SNTG1: variants seen among roughly 807,000 people sequenced by gnomAD.
SNTG1 encodes gamma-1-syntrophin.
Under a neutral mutation model 74.7 loss-of-function variants are expected in SNTG1, and 39 were observed. The ratio of observed to expected loss-of-function variants is 0.52; its 90% confidence interval spans 0.40 to 0.68. The LOEUF (loss-of-function observed/expected upper bound fraction) is 0.68. SNTG1 is among the 30% of genes least tolerant of loss of function. SNTG1 has a pLI of 0.00. For synonymous variants in SNTG1, 254 were observed against 217.1 expected (o/e 1.17, Z -1.49); for missense variants, 685 against 609.5 (o/e 1.12, Z -1.30).
At chr8:50,541,214 C>G (rs2094344149) in intron 11 of SNTG1, among the ~76,000 whole-genome samples, 2 of 150,382 alleles carry the variant, frequency 1.3e-5, no homozygotes, top group Non-Finnish European at 2.9e-5. Context: ...AGGGAATGGA[C>G]TTGACAAAAT....
intron 17 of SNTG1, among the ~76,000 whole-genome samples, chr8:50,711,540 A>G (rs2095461682): frequency 6.6e-6 from 1 of 152,194 alleles, no homozygotes; most frequent in Admixed American, 6.5e-5. Flanking sequence ...GAAGGAAAGA[A>G]TTGCTGCATC....
chr8:50,321,907 G>T (rs989084041), intron 2 of SNTG1, among the ~76,000 whole-genome samples: 4 of 152,092 alleles, frequency 2.6e-5, no homozygotes, highest in Non-Finnish European at 4.4e-5. Context: ...TCTTAAAAAT[G>T]TGTTGTAGTT....
chr8:50,503,133 A>G (rs1321807329), intron 9 of SNTG1, among the ~76,000 whole-genome samples: 3 of 152,204 alleles, frequency 2.0e-5, no homozygotes, highest in Admixed American at 6.5e-5. Context: ...AAAAATAGGC[A>G]TATCAAATAT....
At chr8:49,977,935 T>G (rs1418496939) in intron 1 of SNTG1, among the ~76,000 whole-genome samples, 1 of 152,208 alleles carries the variant, frequency 6.6e-6, no homozygotes, top group African/African-American at 2.4e-5. Flanking sequence ...ACTAGATTTG[T>G]GACCAGGGGG....
chr8:50,751,861 T>A, intron 17 of SNTG1, 140 bp from the exon 18 acceptor site: 1 of 452,932 alleles, frequency 2.2e-6, no homozygotes, highest in South Asian at 5.3e-5. Context: ...TGATAAATAT[T>A]TTTAAATTTC....
chr8:50,409,182 C>T (rs1294770798), intron 4 of SNTG1, among the ~76,000 whole-genome samples: 1 of 152,182 alleles, frequency 6.6e-6, no homozygotes, highest in Non-Finnish European at 1.5e-5. Flanking sequence ...ATATTTAGCA[C>T]ATCTGACTCT....
intron 4 of SNTG1, among the ~76,000 whole-genome samples, chr8:50,436,124 G>T (rs73581393): frequency 0.028 from 4,240 of 152,184 alleles, 187 homozygotes; most frequent in African/African-American, 0.096. Flanking sequence ...AAATGCATTT[G>T]CTCTGACTGA....
At chr8:50,324,646 G>T (rs2090666029) in intron 2 of SNTG1, among the ~76,000 whole-genome samples, 1 of 151,966 alleles carries the variant, frequency 6.6e-6, no homozygotes, top group Non-Finnish European at 1.5e-5. Context: ...TTCCCTTGTA[G>T]GATATGCCTT....
At chr8:50,658,799 G>T (rs2095200037) in intron 15 of SNTG1, 136 bp downstream of exon 15, 1 of 598,572 alleles carries the variant, frequency 1.7e-6, no homozygotes, top group Non-Finnish European at 2.9e-6. Flanking sequence ...GAAAGAGAAA[G>T]AAAATAAACT....
At chr8:50,434,802 C>G (rs891547019) in intron 4 of SNTG1, among the ~76,000 whole-genome samples, 1 of 152,150 alleles carries the variant, frequency 6.6e-6, no homozygotes, top group African/African-American at 2.4e-5. Context: ...TCAAAAAGAA[C>G]TATTAACATT....
At chr8:50,203,967 G>A (rs1400679454) in intron 2 of SNTG1, among the ~76,000 whole-genome samples, 1 of 151,954 alleles carries the variant, frequency 6.6e-6, no homozygotes, top group East Asian at 1.9e-4. Context: ...TCTGTAAAGG[G>A]CAACTCTGCT....
intron 1 of SNTG1, chr8:49,915,113 C>T (rs1052743248): frequency 6.6e-6 from 1 of 152,160 alleles, no homozygotes; most frequent in African/African-American, 2.4e-5. Context: ...GCCATAAGAT[C>T]TTCTACAAGT....
At chr8:50,108,915 G>A (rs2080481007) in intron 1 of SNTG1, among the ~76,000 whole-genome samples, 1 of 152,176 alleles carries the variant, frequency 6.6e-6, no homozygotes, top group Non-Finnish European at 1.5e-5. Flanking sequence ...AGATGACCCT[G>A]TCTGGAGCAA....
chr8:50,235,670 T>G (rs969180729), intron 2 of SNTG1, among the ~76,000 whole-genome samples: 2 of 152,120 alleles, frequency 1.3e-5, no homozygotes, highest in Non-Finnish European at 2.9e-5. Flanking sequence ...GTGGATTACG[T>G]GTGAAGGAAA....
At chr8:50,198,494 C>T (rs1223185196) in intron 2 of SNTG1, among the ~76,000 whole-genome samples, 1 of 152,052 alleles carries the variant, frequency 6.6e-6, no homozygotes, top group Non-Finnish European at 1.5e-5. Flanking sequence ...GCTACAGAGC[C>T]CAAATCTGTT....
In SNTG1 at chr8:50,604,238, T is replaced by G. The variant is rs187253505; in HGVS notation, c.849+13321T>G. On this transcript the variant is annotated intron_variant, in intron 13 of 18. Coordinates refer to ENST00000642720, the MANE Select transcript of SNTG1 (RefSeq NM_018967.5). ...GTTTGAGATCATCCTGGGCACTTGA[T>G]GAAACTCATCTGTACTTAAAAATAC... Among the ~76,000 whole-genome samples, 449 of 152,102 alleles carry G rather than the reference T, an allele frequency of 3.0e-3. 1 individual carries two copies. Among genetic ancestry groups the G allele is most frequent in the Non-Finnish European group, 3.0e-3 (201 of 67,962 alleles).
chr8:50,145,444 A>T (rs1170089655), intron 1 of SNTG1, among the ~76,000 whole-genome samples: 1 of 152,218 alleles, frequency 6.6e-6, no homozygotes, highest in African/African-American at 2.4e-5. Flanking sequence ...TATTCAAAAA[A>T]AATTGATGTG....
At chr8:50,762,092 T>A (rs2095600591) in intron 18 of SNTG1, among the ~76,000 whole-genome samples, 2 of 151,852 alleles carry the variant, frequency 1.3e-5, no homozygotes, top group South Asian at 4.2e-4. Flanking sequence ...AAGTGAATCT[T>A]GCTTGGTTCT....
At chr8:50,646,831 C>G (rs1158209821) in intron 13 of SNTG1, among the ~76,000 whole-genome samples, 3 of 151,962 alleles carry the variant, frequency 2.0e-5, no homozygotes, top group African/African-American at 7.3e-5. Flanking sequence ...TATAAAGTGA[C>G]AGTAATCAAG....
Sources: allele counts gnomAD v4.1 joint callset (sites outside exome capture counted in the v4.1 genomes callset), GRCh38; gene constraint gnomAD v4.1.1; transcripts MANE v1.5; gene names NCBI Gene and HGNC (gene_info 2026-07-23, HGNC 2026-07-21).